Variants in SUCLG2 observed in about 807,000 individuals in gnomAD.
SUCLG2 encodes the protein succinate-CoA ligase GDP-forming subunit beta, also known as succinate--CoA ligase [GDP-forming] subunit beta, mitochondrial.
In SUCLG2, 42 loss-of-function variants were observed where a neutral mutation model predicts 47.9. That is an observed-to-expected ratio of 0.88 (90% CI 0.69 to 1.14). The LOEUF (loss-of-function observed/expected upper bound fraction) is 1.14, where lower values mean the gene tolerates loss of function less well. SUCLG2 is among the 50% of genes most tolerant of loss of function. The pLI is 0.00. For synonymous variants in SUCLG2, 195 were observed against 197.3 expected, an observed-to-expected ratio of 0.99 and a Z score of 0.10; for missense variants, 571 against 525.9, an observed-to-expected ratio of 1.09 and a Z score of -0.84.
chr3:67,399,033 A>AG (rs1268145454), intron 10 of SUCLG2, among the ~76,000 whole-genome samples: 2 of 94,946 alleles, frequency 2.1e-5, no homozygotes, highest in Non-Finnish European at 4.3e-5. Flanking sequence ...GGGTGGGGGG[A>AG]GGGGGGAAGG....
intron 2 of SUCLG2, among the ~76,000 whole-genome samples, chr3:67,582,379 T>C (rs908576731): frequency 6.6e-6 from 1 of 152,198 alleles, no homozygotes; most frequent in African/African-American, 2.4e-5. Context: ...TGGTTTTCTG[T>C]TCCTTAGGAT....
chr3:67,557,411 C>T (rs1707191716), intron 2 of SUCLG2, among the ~76,000 whole-genome samples: 1 of 152,108 alleles, frequency 6.6e-6, no homozygotes. Flanking sequence ...GTCCTGACCA[C>T]CAAGGTGAAT....
At chr3:67,541,286 G>C (rs1706701163) in intron 2 of SUCLG2, among the ~76,000 whole-genome samples, 1 of 152,152 alleles carries the variant, frequency 6.6e-6, no homozygotes, top group Non-Finnish European at 1.5e-5. Context: ...TTATAACCCA[G>C]TGCAAAGAAG....
intron 9 of SUCLG2, among the ~76,000 whole-genome samples, chr3:67,430,621 T>G (rs1322377835): frequency 5.3e-5 from 8 of 151,884 alleles, no homozygotes; most frequent in Non-Finnish European, 8.8e-5. Context: ...CTGAAGGACA[T>G]AGAGACACAA....
chr3:67,566,322 C>T (rs1440040394), intron 2 of SUCLG2, among the ~76,000 whole-genome samples: 1 of 151,978 alleles, frequency 6.6e-6, no homozygotes, highest in East Asian at 1.9e-4. Context: ...AAATGAGAGA[C>T]TTTAGTATAA....
At position 67,400,712 on chromosome 3, in the gene SUCLG2, G is replaced by A. The variant is rs1351016194; in HGVS notation, c.1183+19C>T. 6.2e-7 allele frequency: 1 copy of A among 1,609,010 alleles called. No homozygotes were observed. Among genetic ancestry groups the A allele is most frequent in the Admixed American group, 1.7e-5 (1 of 58,870 alleles). On this transcript the variant is annotated intron_variant, in intron 10 of 10. Coordinates refer to ENST00000307227, the MANE Select transcript of SUCLG2 (RefSeq NM_003848.4). ...TTGGAGAAGGGGTGCTGGCACAGCGGAAATCTACCATGACTCACCTTCAAG... is the reference window on the plus strand; with the variant it reads ...TTGGAGAAGGGGTGCTGGCACAGCGAAAATCTACCATGACTCACCTTCAAG...
chr3:67,433,870 A>T (rs1423357929), intron 9 of SUCLG2, among the ~76,000 whole-genome samples: 1 of 152,166 alleles, frequency 6.6e-6, no homozygotes, highest in African/African-American at 2.4e-5. Flanking sequence ...CATCTATAAA[A>T]CACAGCTTTT....
intron 1 of SUCLG2, among the ~76,000 whole-genome samples, chr3:67,638,749 T>C (rs1401875546): frequency 6.6e-6 from 1 of 152,234 alleles, no homozygotes. Context: ...AATCCTATCT[T>C]GGTCACTAAG....
chr3:67,627,901 T>C (rs1700862302), intron 1 of SUCLG2, among the ~76,000 whole-genome samples: 1 of 152,164 alleles, frequency 6.6e-6, no homozygotes, highest in South Asian at 2.1e-4. Flanking sequence ...CCCAAGTTCT[T>C]AGAGAGCTTC....
At chr3:67,509,215 T>C (rs774541384) in intron 6 of SUCLG2, among the ~76,000 whole-genome samples, 7 of 152,212 alleles carry the variant, frequency 4.6e-5, no homozygotes, top group Non-Finnish European at 7.3e-5. Flanking sequence ...CAATATAAAT[T>C]ACAATCATTA....
chr3:67,418,811 T>C (rs1703090679), intron 9 of SUCLG2, among the ~76,000 whole-genome samples: 1 of 152,108 alleles, frequency 6.6e-6, no homozygotes. Context: ...CTTTAACTGT[T>C]CTTCATGGGA....
chr3:67,615,621 A>ACACAC lies in SUCLG2; in HGVS notation c.85-6026_85-6025insGTGTG, dbSNP rs1553670704. On this transcript the variant is annotated intron_variant, in intron 1 of 10. Coordinates refer to ENST00000307227, the MANE Select transcript of SUCLG2 (RefSeq NM_003848.4). ...GCCACTGAACACAAACACAAACACAAACACACACACACACACACACACACA... is the reference window on the plus strand; with the variant it reads ...GCCACTGAACACAAACACAAACACAACACACACACACACACACACACACACACACA... 7.1e-3 allele frequency among the ~76,000 whole-genome samples: 1,015 copies of ACACAC among 142,134 alleles called. 5 individuals carry two copies. Among genetic ancestry groups the ACACAC allele is most frequent in the Non-Finnish European group, 0.011 (727 of 65,322 alleles). 93.2% of individuals were successfully genotyped at this position (142,134 alleles called of 152,430 possible). A position where few individuals can be genotyped will look rare whatever the true frequency, so the allele number is the denominator to read the frequency against.
intron 9 of SUCLG2, among the ~76,000 whole-genome samples, chr3:67,452,262 G>A (rs932606608): frequency 1.3e-5 from 2 of 152,152 alleles, no homozygotes; most frequent in Non-Finnish European, 2.9e-5. Flanking sequence ...CTTGGGGAAT[G>A]AATAAAACAT....
At chr3:67,459,928 A>G (rs1451174886) in intron 9 of SUCLG2, among the ~76,000 whole-genome samples, 1 of 152,136 alleles carries the variant, frequency 6.6e-6, no homozygotes, top group East Asian at 1.9e-4. Context: ...AGTGAGGAGC[A>G]GGGAAAAGGG....
intron 2 of SUCLG2, among the ~76,000 whole-genome samples, chr3:67,600,793 C>T (rs545375464): frequency 6.6e-6 from 1 of 152,304 alleles, no homozygotes; most frequent in East Asian, 1.9e-4. Flanking sequence ...AATGGGCATA[C>T]TTTCCAGGTC....
intron 9 of SUCLG2, among the ~76,000 whole-genome samples, chr3:67,481,408 G>A (rs1012078613): frequency 5.9e-5 from 9 of 152,194 alleles, no homozygotes; most frequent in Admixed American, 5.9e-4. Flanking sequence ...CTGTATTCCG[G>A]TACAACTTTA....
At chr3:67,543,595 G>T (rs1575766791) in intron 2 of SUCLG2, among the ~76,000 whole-genome samples, 1 of 152,148 alleles carries the variant, frequency 6.6e-6, no homozygotes, top group Non-Finnish European at 1.5e-5. Context: ...AGCCCAGGAG[G>T]TTGCGGCTGC....
At chr3:67,518,796 T>C (rs1222615599) in intron 5 of SUCLG2, among the ~76,000 whole-genome samples, 3 of 152,164 alleles carry the variant, frequency 2.0e-5, no homozygotes, top group Non-Finnish European at 4.4e-5. Context: ...CAAAATGATA[T>C]TGTCTCAAAG....
At chr3:67,603,929 G>GT (rs1329093558) in intron 2 of SUCLG2, among the ~76,000 whole-genome samples, 1 of 152,158 alleles carries the variant, frequency 6.6e-6, no homozygotes, top group East Asian at 1.9e-4. Context: ...GAGAAAAAAA[G>GT]TATGTACTTA....
Sources: allele counts gnomAD v4.1 joint callset (sites outside exome capture counted in the v4.1 genomes callset), GRCh38; gene constraint gnomAD v4.1.1; transcripts MANE v1.5; gene names NCBI Gene and HGNC (gene_info 2026-07-23, HGNC 2026-07-21).